PCSK5: variants seen among roughly 807,000 people sequenced by gnomAD.
PCSK5 encodes prohormone convertase 5.
A neutral mutation model predicts 233.2 loss-of-function variants in PCSK5; 129 were observed. The ratio of observed to expected loss-of-function variants is 0.55; its 90% confidence interval spans 0.48 to 0.64. The LOEUF (loss-of-function observed/expected upper bound fraction) is 0.64. PCSK5 is among the 30% of genes least tolerant of loss of function. The pLI is 0.00. For synonymous variants in PCSK5, 825 were observed against 879.2 expected (o/e 0.94, Z 1.09); for missense variants, 2,076 against 2,430.1 (o/e 0.85, Z 3.06).
intron 5 of PCSK5, among the ~76,000 whole-genome samples, chr9:76,061,451 T>C (rs900687361): frequency 3.3e-5 from 5 of 152,138 alleles, no homozygotes; most frequent in Non-Finnish European, 7.4e-5. Flanking sequence ...AATTTCAAAA[T>C]AGAGGCCCTT....
At chr9:76,004,701 A>G (rs927402459) in intron 3 of PCSK5, among the ~76,000 whole-genome samples, 4 of 152,054 alleles carry the variant, frequency 2.6e-5, no homozygotes, top group African/African-American at 9.7e-5. Context: ...GACATTACTG[A>G]CTTTCTTTTT....
At chr9:76,209,650 C>G (rs1825257968) in intron 20 of PCSK5, 1 of 411,210 alleles carries the variant, frequency 2.4e-6, no homozygotes, top group African/African-American at 2.0e-5. Context: ...ATCACTTCAC[C>G]ACATGGCAAG....
At chr9:76,072,405 AATTG>A (rs1297473485) in intron 7 of PCSK5, among the ~76,000 whole-genome samples, 1 of 152,186 alleles carries the variant, frequency 6.6e-6, no homozygotes, top group Non-Finnish European at 1.5e-5. Context: ...TACACCAAAA[AATTG>A]ATTGACCACT....
At chr9:76,352,974 G>A (rs569078990) in intron 36 of PCSK5, among the ~76,000 whole-genome samples, 6 of 151,646 alleles carry the variant, frequency 4.0e-5, no homozygotes, top group East Asian at 1.9e-4. Context: ...ACTTGAATCC[G>A]ATCACACCAG....
intron 34 of PCSK5, among the ~76,000 whole-genome samples, chr9:76,335,972 T>C (rs1360506961): frequency 6.6e-6 from 1 of 152,188 alleles, no homozygotes; most frequent in Non-Finnish European, 1.5e-5. Context: ...GGATTAAAAA[T>C]TCTATCTTCT....
At chr9:75,940,256 A>G (rs902739805) in intron 2 of PCSK5, among the ~76,000 whole-genome samples, 2 of 152,208 alleles carry the variant, frequency 1.3e-5, no homozygotes, top group Non-Finnish European at 2.9e-5. Flanking sequence ...CCAGAATTCT[A>G]TACACTCTTA....
intron 1 of PCSK5, among the ~76,000 whole-genome samples, chr9:75,915,790 C>T (rs1225260190): frequency 6.6e-6 from 1 of 152,148 alleles, no homozygotes; most frequent in Non-Finnish European, 1.5e-5. Context: ...CTACAAAAAT[C>T]TAGAAATGTT....
intron 1 of PCSK5, among the ~76,000 whole-genome samples, chr9:75,912,430 G>A (rs561358314): frequency 2.6e-5 from 4 of 152,250 alleles, no homozygotes; most frequent in Non-Finnish European, 4.4e-5. Context: ...CTTGAAGGTT[G>A]GTGCTTTTCA....
intron 2 of PCSK5, among the ~76,000 whole-genome samples, chr9:75,966,774 G>A (rs1825604760): frequency 6.6e-6 from 1 of 152,184 alleles, no homozygotes; most frequent in Non-Finnish European, 1.5e-5. Context: ...AAATAAATTA[G>A]ATAAGTTCAG....
rs75165837 is a variant in PCSK5, at chr9:75,925,745, A to C, written c.193-6634A>C. The stretch of plus-strand genomic sequence containing the variant: ...TTGGGAATGCTCTTGGTGAGTAAGG[A>C]AAGCAATCGTGGCCTCCTCCTTATG... On this transcript the variant is annotated intron_variant, in intron 1 of 37. Coordinates refer to ENST00000674117, the MANE Select transcript of PCSK5 (RefSeq NM_001372043.1). Among the ~76,000 whole-genome samples the C allele has an allele frequency of 9.4e-4, 143 of 152,318 alleles. 3 individuals carry two copies. In the East Asian group the frequency reaches 0.025, roughly 26 times the overall value.
intron 5 of PCSK5, among the ~76,000 whole-genome samples, chr9:76,028,248 A>G (rs529689868): frequency 1.3e-5 from 2 of 152,306 alleles, no homozygotes; most frequent in Non-Finnish European, 2.9e-5. Context: ...ACTTACTGTA[A>G]CTGCCCAGTG....
At chr9:76,103,437 A>G (rs1240190093) in intron 8 of PCSK5, among the ~76,000 whole-genome samples, 3 of 152,168 alleles carry the variant, frequency 2.0e-5, no homozygotes, top group African/African-American at 7.2e-5. Flanking sequence ...TGGGGTTGCT[A>G]TAAAAGCTTG....
At chr9:76,225,058 A>G (rs1825845059) in intron 20 of PCSK5, among the ~76,000 whole-genome samples, 1 of 152,178 alleles carries the variant, frequency 6.6e-6, no homozygotes, top group Non-Finnish European at 1.5e-5. Context: ...GCCCATTCCT[A>G]CAGGCACTGA....
At chr9:76,269,428 C>G (rs1827436595) in intron 24 of PCSK5, among the ~76,000 whole-genome samples, 1 of 152,178 alleles carries the variant, frequency 6.6e-6, no homozygotes, top group African/African-American at 2.4e-5. Context: ...TCACTCATCA[C>G]AGTTTCAGCA....
At chr9:76,246,062 A>T (rs1303450437) in intron 24 of PCSK5, among the ~76,000 whole-genome samples, 1 of 152,166 alleles carries the variant, frequency 6.6e-6, no homozygotes, top group South Asian at 2.1e-4. Flanking sequence ...GGCCTGGCGC[A>T]GTGGCTCACG....
intron 5 of PCSK5, among the ~76,000 whole-genome samples, chr9:76,050,774 C>T (rs1387322389): frequency 2.0e-5 from 3 of 152,062 alleles, no homozygotes; most frequent in Non-Finnish European, 2.9e-5. Flanking sequence ...CTCATTAGGC[C>T]ACAGGAGGTA....
chr9:76,027,567 C>T (rs375019383), intron 5 of PCSK5, among the ~76,000 whole-genome samples: 1 of 113,860 alleles, frequency 8.8e-6, no homozygotes, highest in South Asian at 3.2e-4. Context: ...TCCCCGCCCC[C>T]CGCCCAGGCA....
upstream of PCSK5, among the ~76,000 whole-genome samples, chr9:75,890,462 C>A (rs1181534080): frequency 6.6e-6 from 1 of 152,148 alleles, no homozygotes; most frequent in Non-Finnish European, 1.5e-5. Context: ...TCGGAGCGCT[C>A]TTCTCAGTCC....
chr9:76,192,771 A>AT (rs559557527), intron 20 of PCSK5, among the ~76,000 whole-genome samples: 120 of 152,340 alleles, frequency 7.9e-4, no homozygotes, highest in African/African-American at 2.8e-3. Flanking sequence ...TAAAATTAAA[A>AT]TTCTAATTGA....
Sources: gnomAD v4.1 joint callset for allele counts (sites outside exome capture counted in the v4.1 genomes callset) on GRCh38, gnomAD v4.1.1 for gene constraint, MANE v1.5 for transcripts, NCBI Gene and HGNC (gene_info 2026-07-23, HGNC 2026-07-21) for gene names.